PTPRQ: variants seen among roughly 807,000 people sequenced by gnomAD.
PTPRQ encodes the protein protein tyrosine phosphatase receptor type Q, also known as phosphatidylinositol phosphatase PTPRQ.
Under a neutral mutation model 246.0 loss-of-function variants are expected in PTPRQ, and 199 were observed. The observed-to-expected ratio is 0.81, with a 90% CI of 0.72 to 0.91. PTPRQ has a LOEUF of 0.91. PTPRQ is among the 40% of genes least tolerant of loss of function. The probability of loss-of-function intolerance (pLI) is 0.00; values close to 1 mark genes in which losing one functional copy is unlikely to be tolerated. For missense variants in PTPRQ, 2,624 were observed against 2,528.4 expected (o/e 1.04, Z -0.81); for synonymous variants, 869 against 853.2 (o/e 1.02, Z -0.32).
At chr12:80,598,562 G>A (rs1052236646) in intron 26 of PTPRQ, among the ~76,000 whole-genome samples, 2 of 151,876 alleles carry the variant, frequency 1.3e-5, no homozygotes, top group Non-Finnish European at 2.9e-5. Flanking sequence ...AATTTGTCCA[G>A]GTGTGCTGAG....
intron 6 of PTPRQ, among the ~76,000 whole-genome samples, chr12:80,466,054 G>A (rs1006529013): frequency 5.9e-5 from 9 of 152,160 alleles, no homozygotes; most frequent in African/African-American, 2.2e-4. Flanking sequence ...TAGGAAAAGA[G>A]GAAGTCAAAA....
chr12:80,678,492 T>C, intron 43 of PTPRQ, 110 bp from the exon 44 acceptor site: 1 of 1,260,984 alleles, frequency 7.9e-7, no homozygotes. Flanking sequence ...GTCTGTAACT[T>C]AGCTATTTAT....
At chr12:80,587,708 T>A (rs1331988089) in intron 25 of PTPRQ, among the ~76,000 whole-genome samples, 1 of 152,200 alleles carries the variant, frequency 6.6e-6, no homozygotes, top group East Asian at 1.9e-4. Flanking sequence ...ATATAAGATG[T>A]GTTTGTGTTT....
At chr12:80,617,425 G>A (rs1160993634) in intron 30 of PTPRQ, among the ~76,000 whole-genome samples, 1 of 151,192 alleles carries the variant, frequency 6.6e-6, no homozygotes, top group African/African-American at 2.4e-5. Context: ...ATTTACTTTG[G>A]GAAGTACAAA....
chr12:80,521,307 A>T lies in PTPRQ; in HGVS notation c.2678+10864A>T, dbSNP rs1209033206. Among the ~76,000 whole-genome samples, 90 of 149,000 alleles carry T rather than the reference A, an allele frequency of 6.0e-4. No individual in the cohort carries two copies. In the East Asian group the frequency reaches 6.4e-3, roughly 11 times the overall value. On this transcript the variant is annotated intron_variant, in intron 17 of 44. Transcript: ENST00000644991. ...ATTGCAAAAATTTTCTCCCATTCTG[A>T]AGGTTGCCTGTTCACTCTGATGGTA...
At chr12:80,487,567 G>C (rs1894319386) in intron 9 of PTPRQ, among the ~76,000 whole-genome samples, 1 of 152,084 alleles carries the variant, frequency 6.6e-6, no homozygotes. Flanking sequence ...TCTGATGTTT[G>C]TCTTTTTGGA....
At chr12:80,527,708 T>C (rs1234345306) in intron 17 of PTPRQ, among the ~76,000 whole-genome samples, 1 of 152,136 alleles carries the variant, frequency 6.6e-6, no homozygotes, top group African/African-American at 2.4e-5. Context: ...TACAGATAAC[T>C]CAAAAATTAA....
intron 25 of PTPRQ, among the ~76,000 whole-genome samples, chr12:80,565,664 A>C (rs1307166466): frequency 6.6e-6 from 1 of 152,244 alleles, no homozygotes. Context: ...CTAATGATGT[A>C]AACATTCAGA....
At chr12:80,562,013 T>G (rs930427006) in intron 25 of PTPRQ, among the ~76,000 whole-genome samples, 5 of 152,192 alleles carry the variant, frequency 3.3e-5, no homozygotes, top group South Asian at 2.1e-4. Flanking sequence ...TGCTTTTTTT[T>G]GCATTGATTG....
rs769390111 is a variant in PTPRQ, at chr12:80,493,291, T to C, written c.1376T>C (p.Met459Thr). 7.0e-5 allele frequency: 107 copies of C among 1,537,320 alleles called. No individual in the cohort carries two copies. The highest frequency in any genetic ancestry group is 8.1e-5 in the Non-Finnish European group (92 of 1,140,962). Residue 459 changes from methionine to threonine, a missense_variant, in exon 10 of 45, where the codon ATG becomes ACG. Coordinates refer to ENST00000644991, the MANE Select transcript of PTPRQ (RefSeq NM_001145026.2). ...TAATTACAGTATATAAATGACCCCATGGCTCCAGAAATTGTGAACATAGTA... is the reference window on the plus strand; with the variant it reads ...TAATTACAGTATATAAATGACCCCACGGCTCCAGAAATTGTGAACATAGTA... The part of the protein sequence containing the change: ...TGNNEYINDP[M>T]APEIVNIVEP...
At chr12:80,490,573 CAT>C (rs566741049) in intron 9 of PTPRQ, among the ~76,000 whole-genome samples, 193 of 152,044 alleles carry the variant, frequency 1.3e-3, no homozygotes, top group African/African-American at 4.0e-3. Context: ...CTCCAAGAAA[CAT>C]GTGTTAATCT....
intron 25 of PTPRQ, among the ~76,000 whole-genome samples, chr12:80,581,089 G>A (rs1017426061): frequency 1.3e-5 from 2 of 152,090 alleles, no homozygotes; most frequent in African/African-American, 2.4e-5. Context: ...TAGAGGCATG[G>A]GCATCTAGTC....
At chr12:80,462,101 C>T (rs1225265660) in intron 6 of PTPRQ, 2 of 577,284 alleles carry the variant, frequency 3.5e-6, no homozygotes, top group East Asian at 2.9e-5. Flanking sequence ...AGGGAGTTCC[C>T]TTTCCTAGTC....
At chr12:80,546,085 A>G (rs1896297007) in intron 23 of PTPRQ, among the ~76,000 whole-genome samples, 1 of 152,164 alleles carries the variant, frequency 6.6e-6, no homozygotes, top group African/African-American at 2.4e-5. Flanking sequence ...TGGGAGGCCG[A>G]GGTGGGCAGA....
At chr12:80,469,200 A>G (rs1440982189) in intron 7 of PTPRQ, among the ~76,000 whole-genome samples, 1 of 152,222 alleles carries the variant, frequency 6.6e-6, no homozygotes. Context: ...TTAGATTTCT[A>G]TTCACTGCTA....
intron 14 of PTPRQ, among the ~76,000 whole-genome samples, chr12:80,501,413 G>A (rs1186364789): frequency 3.3e-5 from 5 of 151,942 alleles, no homozygotes; most frequent in Non-Finnish European, 5.9e-5. Context: ...GCAGTCCAGG[G>A]AAGAGGTCAA....
chr12:80,590,295 G>C (rs1250614575), intron 26 of PTPRQ, among the ~76,000 whole-genome samples: 2 of 151,964 alleles, frequency 1.3e-5, no homozygotes, highest in Non-Finnish European at 2.9e-5. Flanking sequence ...TGCTCCCACA[G>C]CACTAGCCTA....
intron 26 of PTPRQ, 143 bp downstream of exon 26, chr12:80,588,595 T>C (rs994264240): frequency 2.0e-6 from 2 of 993,788 alleles, no homozygotes; most frequent in Middle Eastern, 2.6e-4. Flanking sequence ...TAACGACATA[T>C]TTAGTTTTAA....
chr12:80,475,644 C>A (rs1454038394), intron 8 of PTPRQ, among the ~76,000 whole-genome samples: 1 of 151,792 alleles, frequency 6.6e-6, no homozygotes, highest in Non-Finnish European at 1.5e-5. Flanking sequence ...TCCTTTATCC[C>A]CTAAGCTTAA....
Sources: allele counts gnomAD v4.1 joint callset (sites outside exome capture counted in the v4.1 genomes callset), GRCh38; gene constraint gnomAD v4.1.1; transcripts MANE v1.5; gene names NCBI Gene and HGNC (gene_info 2026-07-23, HGNC 2026-07-21).